Variants in ANKRD30BL observed in about 807,000 individuals in gnomAD.
ANKRD30BL encodes the protein ankyrin repeat domain 30B like, also known as putative ankyrin repeat domain-containing protein 30B-like.
Under a neutral mutation model 18.4 loss-of-function variants are expected in ANKRD30BL, and 20 were observed. That is an observed-to-expected ratio of 1.09 (90% CI 0.77 to 1.58). ANKRD30BL has a LOEUF of 1.58. ANKRD30BL is among the 40% of genes most tolerant of loss of function. ANKRD30BL has a pLI of 0.00. For missense variants in ANKRD30BL, 224 were observed against 268.6 expected, an observed-to-expected ratio of 0.83 and a Z score of 1.16; for synonymous variants, 72 against 100.9, an observed-to-expected ratio of 0.71 and a Z score of 1.72.
chr2:132,156,787 C>A (rs573653629), intron 3 of ANKRD30BL, 186 bp downstream of exon 3: 277 of 345,618 alleles, frequency 8.0e-4, no homozygotes, highest in African/African-American at 4.8e-3. Context: ...CACAGAAAAG[C>A]CATACTAATA....
chr2:132,240,326 A>G (rs1199118138), intron 1 of ANKRD30BL, among the ~76,000 whole-genome samples: 3 of 151,466 alleles, frequency 2.0e-5, no homozygotes, highest in Admixed American at 1.3e-4. Flanking sequence ...ATATCTTCGC[A>G]TAAAACTAGA....
rs144428679 is a variant in ANKRD30BL at position 132,153,665 on chromosome 2, C to T, written c.614+997G>A. 2.1e-5 allele frequency: 27 copies of T among 1,260,136 alleles called. No individual in the cohort carries two copies. In the African/African-American group the frequency reaches 2.8e-4, roughly 13 times the overall value. The allele number at this position is 1,260,136 out of a possible 1,614,324, so 78.1% of individuals were successfully genotyped here. A position where few individuals can be genotyped will look rare whatever the true frequency, so the allele number is the denominator to read the frequency against. ...AAGCTTGCCAACTATCTCTGATGAT[C>T]CATGACATATGGCAAGCATGAGGGC... On this transcript the variant is annotated intron_variant, in intron 4 of 5. Transcript: ENST00000409867.
upstream of ANKRD30BL, among the ~76,000 whole-genome samples, chr2:132,165,256 GTT>G (rs34616292): frequency 0.18 from 25,593 of 142,524 alleles, 2,252 homozygotes; most frequent in South Asian, 0.26. Context: ...TGACGTATCA[GTT>G]TTTTTTTTTT....
chr2:132,185,079 TG>T (rs1411664533), intron 1 of ANKRD30BL, among the ~76,000 whole-genome samples: 1 of 152,194 alleles, frequency 6.6e-6, no homozygotes, highest in Non-Finnish European at 1.5e-5. Context: ...CCCAAAGTGC[TG>T]GGATTACAGG....
At chr2:132,172,196 T>G (rs930369784) in intron 1 of ANKRD30BL, among the ~76,000 whole-genome samples, 12 of 152,182 alleles carry the variant, frequency 7.9e-5, no homozygotes, top group Admixed American at 3.9e-4. Flanking sequence ...GTGGTCAATA[T>G]CTGTTGGAGT....
chr2:132,233,438 C>A (rs1291501475), intron 1 of ANKRD30BL, among the ~76,000 whole-genome samples: 2 of 136,044 alleles, frequency 1.5e-5, no homozygotes, highest in Non-Finnish European at 3.1e-5. Context: ...ATTCAGGAAA[C>A]CCATCTCATG....
intron 1 of ANKRD30BL, among the ~76,000 whole-genome samples, chr2:132,169,924 G>A (rs1432030456): frequency 1.3e-5 from 2 of 151,990 alleles, no homozygotes; most frequent in African/African-American, 4.8e-5. Flanking sequence ...ATAAAGTACT[G>A]AGCATAACAA....
At chr2:132,221,960 G>C in intron 1 of ANKRD30BL, among the ~76,000 whole-genome samples, 1 of 134,854 alleles carries the variant, frequency 7.4e-6, no homozygotes, top group Non-Finnish European at 1.6e-5. Flanking sequence ...CGTCCGGGAG[G>C]TGAGGGGCGC....
At chr2:132,153,126 C>T (rs1475988001) in intron 4 of ANKRD30BL, among the ~76,000 whole-genome samples, 2 of 152,086 alleles carry the variant, frequency 1.3e-5, no homozygotes, top group Admixed American at 1.3e-4. Flanking sequence ...ATGGAAACAA[C>T]AAAATGAAGA....
intron 1 of ANKRD30BL, among the ~76,000 whole-genome samples, chr2:132,240,520 A>G (rs886921987): frequency 6.6e-5 from 10 of 151,980 alleles, no homozygotes; most frequent in Non-Finnish European, 2.9e-5. Flanking sequence ...AAGAATTCTC[A>G]GAAACTTCCT....
intron 4 of ANKRD30BL, among the ~76,000 whole-genome samples, chr2:132,152,970 G>T (rs1400755794): frequency 1.3e-5 from 2 of 152,136 alleles, no homozygotes; most frequent in Non-Finnish European, 2.9e-5. Context: ...GAATATGTAC[G>T]TGAACTTTAA....
intron 1 of ANKRD30BL, among the ~76,000 whole-genome samples, chr2:132,188,832 C>T (rs201793138): frequency 6.6e-6 from 1 of 152,072 alleles, no homozygotes; most frequent in Admixed American, 6.6e-5. Context: ...TGGCATTATA[C>T]ATAAAAGAAA....
intron 1 of ANKRD30BL, among the ~76,000 whole-genome samples, chr2:132,201,167 T>C (rs1013114419): frequency 6.6e-6 from 1 of 152,260 alleles, no homozygotes; most frequent in Non-Finnish European, 1.5e-5. Flanking sequence ...AAGACTTAAA[T>C]GTTAGACCTA....
chr2:132,249,069 A>G (rs1680579931), intron 1 of ANKRD30BL, among the ~76,000 whole-genome samples: 1 of 152,206 alleles, frequency 6.6e-6, no homozygotes, highest in Non-Finnish European at 1.5e-5. Flanking sequence ...CTGTGAGATG[A>G]ATGCACACAT....
intron 1 of ANKRD30BL, among the ~76,000 whole-genome samples, chr2:132,240,978 A>C (rs530377276): frequency 1.3e-4 from 20 of 151,946 alleles, no homozygotes; most frequent in South Asian, 1.0e-3. Context: ...GATAGCTTTG[A>C]GGCTTTCTTT....
rs934229091 is a variant in ANKRD30BL at position 132,161,912 on chromosome 2, G to A, written c.-207C>T. On this transcript the variant is annotated 5_prime_UTR_variant, in exon 1 of 6. Transcript: ENST00000409867. ...TTAGGCAGCTGAGCAGAACCGTTAG[G>A]CACCTGAGCAGAACCTTTAGGCAGC... 31 of 569,244 alleles carry A rather than the reference G, an allele frequency of 5.4e-5. No homozygotes were observed. The highest frequency in any genetic ancestry group is 6.9e-5 in the Non-Finnish European group (22 of 316,692). The allele number at this position is 569,244 out of a possible 1,614,324, so 35.3% of individuals were successfully genotyped here.
intron 1 of ANKRD30BL, among the ~76,000 whole-genome samples, chr2:132,173,301 CTTTT>C (rs35866741): frequency 3.1e-5 from 4 of 129,410 alleles, no homozygotes; most frequent in African/African-American, 2.9e-5. Context: ...AATTTTGCTT[CTTTT>C]TTTTTTTTTT....
chr2:132,149,544 T>C (rs1215923982), intron 5 of ANKRD30BL, among the ~76,000 whole-genome samples: 2 of 152,200 alleles, frequency 1.3e-5, no homozygotes, highest in Non-Finnish European at 2.9e-5. Flanking sequence ...CTCCTACTGG[T>C]ACTGATGCAC....
intron 1 of ANKRD30BL, among the ~76,000 whole-genome samples, chr2:132,185,659 A>C (rs879498994): frequency 6.6e-6 from 1 of 152,202 alleles, no homozygotes; most frequent in African/African-American, 2.4e-5. Flanking sequence ...TGAGGTGATC[A>C]TACTGTCTCT....
Sources: allele counts gnomAD v4.1 joint callset (sites outside exome capture counted in the v4.1 genomes callset), GRCh38; gene constraint gnomAD v4.1.1; transcripts MANE v1.5; gene names NCBI Gene and HGNC (gene_info 2026-07-23, HGNC 2026-07-21).